Variants in FIGN observed in about 807,000 individuals in gnomAD.
The protein encoded by FIGN is fidgetin, microtubule severing factor.
A neutral mutation model predicts 51.3 loss-of-function variants in FIGN; 11 were observed. The observed-to-expected ratio is 0.21, with a 90% CI of 0.13 to 0.35. FIGN has a LOEUF of 0.35. FIGN is among the 10% of genes least tolerant of loss of function. The pLI is 1.00. For missense variants in FIGN, 857 were observed against 943.6 expected (o/e 0.91, Z 1.20); for synonymous variants, 407 against 363.2 (o/e 1.12, Z -1.37).
chr2:163,655,441 A>G (rs547734972), intron 2 of FIGN, among the ~76,000 whole-genome samples: 3 of 151,836 alleles, frequency 2.0e-5, no homozygotes, highest in Admixed American at 6.6e-5. Context: ...CAGGTTTTCA[A>G]TTGACACTGG....
intron 2 of FIGN, among the ~76,000 whole-genome samples, chr2:163,683,264 T>C (rs989702790): frequency 2.6e-5 from 4 of 152,208 alleles, no homozygotes; most frequent in Non-Finnish European, 5.9e-5. Flanking sequence ...ATATAAGATA[T>C]CAGAAGATTA....
chr2:163,635,396 C>T (rs1319046862), intron 2 of FIGN, among the ~76,000 whole-genome samples: 1 of 152,038 alleles, frequency 6.6e-6, no homozygotes, highest in East Asian at 1.9e-4. Context: ...AGTAAGACCT[C>T]ATCTCTACAA....
chr2:163,610,999 C>T lies in FIGN; in HGVS notation c.833G>A (p.Gly278Glu). Residue 278 changes from glycine to glutamate, a missense_variant, in exon 3 of 3, where the codon GGA (glycine) becomes GAA (glutamate). Physicochemically the swap from Gly to Glu is moderately conservative, Grantham distance 98. Around this residue, in one of 3 missense-constraint regions of FIGN, gnomAD observed 799 missense variants for 849.5 expected, o/e 0.94. Coordinates refer to ENST00000333129, the MANE Select transcript of FIGN (RefSeq NM_018086.4). Reference sequence around the variant, plus strand: ...GGGTAGGGGGGTGGGAGCAGGAATTCCTGAAGGCAGGTACGCTGAAGGCGG... The same window carrying T: ...GGGTAGGGGGGTGGGAGCAGGAATTTCTGAAGGCAGGTACGCTGAAGGCGG... Reference protein sequence around the residue: ...PPPPSAYLPSGIPAPTPLPPT... With the variant: ...PPPPSAYLPSEIPAPTPLPPT... The T allele has an allele frequency of 6.2e-7, 1 of 1,613,820 alleles. No individual in the cohort carries two copies. Among genetic ancestry groups the T allele is most frequent in the Non-Finnish European group, 8.5e-7 (1 of 1,180,006 alleles).
chr2:163,629,952 C>CT (rs71297448), intron 2 of FIGN, among the ~76,000 whole-genome samples: 8,916 of 56,932 alleles, frequency 0.16, 3,032 homozygotes, highest in Non-Finnish European at 0.19. Flanking sequence ...GAAAGGGGCA[C>CT]TTTTTTTTTT....
At chr2:163,629,524 G>C (rs900576555) in intron 2 of FIGN, among the ~76,000 whole-genome samples, 6 of 152,040 alleles carry the variant, frequency 3.9e-5, no homozygotes, top group Non-Finnish European at 2.9e-5. Flanking sequence ...TGGAGCGGGG[G>C]ATTTTTTTAA....
At chr2:163,714,770 T>TCC (rs1684643232) in intron 2 of FIGN, among the ~76,000 whole-genome samples, 1 of 152,224 alleles carries the variant, frequency 6.6e-6, no homozygotes, top group Non-Finnish European at 1.5e-5. Context: ...TCTTGAAAAT[T>TCC]AATCTTATAC....
chr2:163,642,005 A>G (rs943081419), intron 2 of FIGN, among the ~76,000 whole-genome samples: 1 of 152,224 alleles, frequency 6.6e-6, no homozygotes, highest in African/African-American at 2.4e-5. Flanking sequence ...AAACTGTCTT[A>G]TTAATCTCTT....
intron 2 of FIGN, among the ~76,000 whole-genome samples, chr2:163,669,943 G>A (rs1294506139): frequency 6.6e-6 from 1 of 152,176 alleles, no homozygotes; most frequent in Non-Finnish European, 1.5e-5. Context: ...AATGGTTACA[G>A]AAGCATTGAT....
rs34286375 is a variant in FIGN at position 163,734,557 on chromosome 2, C to CAAAAAAA, written c.25+339_25+345dup. Among the ~76,000 whole-genome samples the CAAAAAAA allele has an allele frequency of 7.8e-5, 8 of 102,866 alleles. 1 individual carries two copies. Among genetic ancestry groups the CAAAAAAA allele is most frequent in the South Asian group, 3.8e-4 (1 of 2,630 alleles). 67.5% of individuals were successfully genotyped at this position (102,866 alleles called of 152,430 possible). ...TCCCCTTTGCCCAGCCTCCCTCCTT[C>CAAAAAAA]AAAAAAAAAAAAAAAAAAAACCCAC... On this transcript the variant is annotated intron_variant, in intron 2 of 2. Coordinates refer to ENST00000333129, the MANE Select transcript of FIGN (RefSeq NM_018086.4).
At chr2:163,718,040 T>C (rs1031747276) in intron 2 of FIGN, among the ~76,000 whole-genome samples, 2 of 150,696 alleles carry the variant, frequency 1.3e-5, no homozygotes, top group Non-Finnish European at 3.0e-5. Flanking sequence ...TGAATGTTGA[T>C]CATGTTGGAA....
At chr2:163,649,631 A>C (rs1414279181) in intron 2 of FIGN, among the ~76,000 whole-genome samples, 2 of 152,162 alleles carry the variant, frequency 1.3e-5, no homozygotes, top group African/African-American at 2.4e-5. Context: ...AGCCAACGTC[A>C]TCTTGAGGAA....
chr2:163,707,174 C>T (rs10204826), intron 2 of FIGN, among the ~76,000 whole-genome samples: 83,424 of 151,832 alleles, frequency 0.55, 25,816 homozygotes, highest in Admixed American at 0.69. Flanking sequence ...TGGTGAAACC[C>T]CGTCTCTACC....
chr2:163,641,340 G>A (rs1683302867), intron 2 of FIGN, among the ~76,000 whole-genome samples: 1 of 152,204 alleles, frequency 6.6e-6, no homozygotes, highest in Admixed American at 6.5e-5. Context: ...CAGAGTCAGG[G>A]AATCCTAAAG....
intron 2 of FIGN, among the ~76,000 whole-genome samples, chr2:163,614,628 G>A (rs1682838972): frequency 6.6e-6 from 1 of 151,878 alleles, no homozygotes. Flanking sequence ...GTCTTAAAGG[G>A]CTCAACAAAT....
chr2:163,698,001 C>T (rs1387928067), intron 2 of FIGN, among the ~76,000 whole-genome samples: 3 of 152,136 alleles, frequency 2.0e-5, no homozygotes, highest in Non-Finnish European at 4.4e-5. Flanking sequence ...AGGGCACTCC[C>T]TTCCTGCTCA....
chr2:163,649,679 G>T (rs531148818), intron 2 of FIGN, among the ~76,000 whole-genome samples: 1 of 152,174 alleles, frequency 6.6e-6, no homozygotes, highest in Non-Finnish European at 1.5e-5. Context: ...ATAATCATGA[G>T]AAATTATGAA....
At position 163,610,874 on chromosome 2, in the gene FIGN, C is replaced by G. The variant is rs201797837; in HGVS notation, c.958G>C (p.Ala320Pro). ...TCTCCTTGCCCTGCCATGTAGAAAGCTTTCCTTTTGAGAGAACTTGCTGAA... is the reference window on the plus strand; with the variant it reads ...TCTCCTTGCCCTGCCATGTAGAAAGGTTTCCTTTTGAGAGAACTTGCTGAA... ...NSSASSLKRK[A>P]FYMAGQGDMD... The change falls in exon 3 of 3, where the codon GCT becomes CCT. Residue 320 changes from alanine to proline, a missense_variant. Ala to Pro is a conservative substitution (Grantham distance 27). Around this residue, in one of 3 missense-constraint regions of FIGN, gnomAD observed 799 missense variants for 849.5 expected, o/e 0.94. Coordinates refer to ENST00000333129, the MANE Select transcript of FIGN (RefSeq NM_018086.4). 5.0e-6 allele frequency: 8 copies of G among 1,613,070 alleles called. No individual in the cohort carries two copies. The highest frequency in any genetic ancestry group is 2.5e-6 in the Non-Finnish European group (3 of 1,179,920).
Position 163,679,260 on chromosome 2 carries a change from G to A in FIGN, c.25+55643C>T, listed in dbSNP as rs189862984. ...TGTAATCCCAGCACTTTGGGAGGCCGAGGCGGGCAGATCACGAGGTCAGGA... is the reference window on the plus strand; with the variant it reads ...TGTAATCCCAGCACTTTGGGAGGCCAAGGCGGGCAGATCACGAGGTCAGGA... On this transcript the variant is annotated intron_variant, in intron 2 of 2. Transcript: ENST00000333129. Among the ~76,000 whole-genome samples the A allele has an allele frequency of 3.6e-3, 542 of 152,078 alleles. 1 individual carries two copies. The highest frequency in any genetic ancestry group is 0.012 in the African/African-American group (512 of 41,486).
intron 2 of FIGN, among the ~76,000 whole-genome samples, chr2:163,715,319 G>T (rs527747163): frequency 6.6e-6 from 1 of 152,296 alleles, no homozygotes; most frequent in Admixed American, 6.5e-5. Flanking sequence ...CCTCCAGGAG[G>T]GGGGATTTGA....
Sources: gnomAD v4.1 joint callset for allele counts (sites outside exome capture counted in the v4.1 genomes callset) on GRCh38, gnomAD v4.1.1 for gene constraint, gnomAD v4.1.1 regional missense constraint, MANE v1.5 for transcripts, NCBI Gene and HGNC (gene_info 2026-07-23, HGNC 2026-07-21) for gene names.